Variants in STK10 observed in about 807,000 individuals in gnomAD.
STK10 encodes serine/threonine kinase 10, also known as serine/threonine-protein kinase 10.
In STK10, 78 loss-of-function variants were observed where a neutral mutation model predicts 113.8. That is an observed-to-expected ratio of 0.69 (90% CI 0.57 to 0.83). The LOEUF is 0.83. Ranked by LOEUF, STK10 falls within the 40% of genes least tolerant of loss-of-function variation. STK10 has a pLI of 0.00. For synonymous variants in STK10, 465 were observed against 494.7 expected (o/e 0.94, Z 0.80); for missense variants, 1,109 against 1,280.1 (o/e 0.87, Z 2.04).
At chr5:172,160,549 G>A (rs1401867425) in intron 1 of STK10, among the ~76,000 whole-genome samples, 1 of 152,034 alleles carries the variant, frequency 6.6e-6, no homozygotes, top group African/African-American at 2.4e-5. Flanking sequence ...AAAGCACAGG[G>A]AAAACGAGCT....
intron 12 of STK10, among the ~76,000 whole-genome samples, chr5:172,075,136 T>C (rs1229699621): frequency 1.3e-5 from 2 of 150,486 alleles, no homozygotes; most frequent in Non-Finnish European, 3.0e-5. Flanking sequence ...TACCACTGCA[T>C]TCCATCCTGG....
chr5:172,187,412 C>T lies in STK10; in HGVS notation c.156+475G>A, dbSNP rs749064657. Among the ~76,000 whole-genome samples, 1 of 152,082 alleles carries T rather than the reference C, an allele frequency of 6.6e-6. No homozygotes were observed. The highest frequency in any genetic ancestry group is 1.5e-5 in the Non-Finnish European group (1 of 68,006). ...GTCTCTGGCTCATCTTCAGATGTGT[C>T]CCTAGCTCCCAACCCGTCCAAGCGC... is the stretch of plus-strand genomic sequence containing the variant. On this transcript the variant is annotated intron_variant, in intron 1 of 18. Transcript: ENST00000176763. The surrounding 1 kb of genome is among the most constrained non-coding windows in gnomAD (Gnocchi z 4.6).
chr5:172,084,645 A>G (rs1239465174), intron 10 of STK10, among the ~76,000 whole-genome samples: 1 of 151,814 alleles, frequency 6.6e-6, no homozygotes, highest in African/African-American at 2.4e-5. Context: ...ATGAAGAGGG[A>G]AATTTTTCAC....
At chr5:172,063,280 C>T (rs1767974585) in intron 13 of STK10, among the ~76,000 whole-genome samples, 1 of 151,646 alleles carries the variant, frequency 6.6e-6, no homozygotes, top group African/African-American at 2.4e-5. Flanking sequence ...TGGGATGAAA[C>T]TCCCAGTTTT....
intron 1 of STK10, among the ~76,000 whole-genome samples, chr5:172,164,348 G>GC (rs1770527193): frequency 6.6e-6 from 1 of 151,816 alleles, no homozygotes; most frequent in Admixed American, 6.6e-5. Flanking sequence ...AAGCCATCCT[G>GC]CCCCTAAGGG....
Position 172,106,661 on chromosome 5 carries a change from G to A in STK10, c.747C>T (p.Ile249=), listed in dbSNP as rs115634318. The A allele has an allele frequency of 2.9e-3, 4,671 of 1,613,558 alleles. 25 individuals are homozygous for A. The highest frequency in any genetic ancestry group is 6.9e-3 in the South Asian group (628 of 91,050). ...ELNPMRVLLK[I]AKSDPPTLLT... ...GCAGCGTGGGAGGGTCCGACTTGGC[G>A]ATCTTTAGCAGGACCCGCATGGGGT... The change falls in exon 6 of 19, where the codon ATC becomes ATT. Residue 249 remains isoleucine, a synonymous_variant. Coordinates refer to ENST00000176763, the MANE Select transcript of STK10 (RefSeq NM_005990.4).
intron 10 of STK10, among the ~76,000 whole-genome samples, chr5:172,083,957 T>A (rs1175378217): frequency 6.6e-6 from 1 of 150,382 alleles, no homozygotes; most frequent in Non-Finnish European, 1.5e-5. Flanking sequence ...AATCAGTCAT[T>A]TAAAATGAAT....
chr5:172,156,337 GA>G (rs1770347655), intron 2 of STK10, among the ~76,000 whole-genome samples: 1 of 152,238 alleles, frequency 6.6e-6, no homozygotes, highest in Non-Finnish European at 1.5e-5. Context: ...AAGGCATGGA[GA>G]GGTTAGGAAC....
Position 172,042,173 on chromosome 5 carries a change from C to A in STK10, c.*2709G>T, listed in dbSNP as rs936336548. The A allele has an allele frequency of 2.6e-5, 4 of 152,532 alleles. No individual in the cohort carries two copies. The highest frequency in any genetic ancestry group is 9.7e-5 in the African/African-American group (4 of 41,402). The allele number at this position is 152,532 out of a possible 1,614,324, so 9.4% of individuals were successfully genotyped here. A position where few individuals can be genotyped will look rare whatever the true frequency, so the allele number is the denominator to read the frequency against. On this transcript the variant is annotated 3_prime_UTR_variant, in exon 19 of 19. Transcript: ENST00000176763. Reference sequence around the variant, plus strand: ...AATTTTGTATAAAGTCTGGAAACTACATAAAAATAATTTCTATCTTTCATA... The same window carrying A: ...AATTTTGTATAAAGTCTGGAAACTAAATAAAAATAATTTCTATCTTTCATA...
chr5:172,094,030 G>T (rs1768790416), intron 8 of STK10, 70 bp from the exon 9 acceptor site: 1 of 1,200,598 alleles, frequency 8.3e-7, no homozygotes, highest in South Asian at 3.5e-5. Context: ...CAGAGATGCA[G>T]TGGAGAAAGT....
rs528071200 is a variant in STK10 at position 172,103,075 on chromosome 5, A to T, written c.870+2581T>A. Among the ~76,000 whole-genome samples the T allele has an allele frequency of 8.5e-5, 13 of 152,332 alleles. 1 individual carries two copies. In the South Asian group the frequency reaches 2.7e-3, roughly 32 times the overall value. On this transcript the variant is annotated intron_variant, in intron 7 of 18. Transcript: ENST00000176763. ...TCCGCCCAGGGCGGGACACAGGGAG[A>T]CGTGAGAGCCAGGCACTTCTTGGAA...
chr5:172,172,970 ACT>A (rs1245997063), intron 1 of STK10, among the ~76,000 whole-genome samples: 1 of 151,214 alleles, frequency 6.6e-6, no homozygotes, highest in Non-Finnish European at 1.5e-5. Flanking sequence ...ACAGAGCAAG[ACT>A]CTGTCAAAAA....
At chr5:172,057,001 GAAGGAA>G (rs1561790252) in intron 15 of STK10, 195 of 77,792 alleles carry the variant, frequency 2.5e-3, no homozygotes, top group African/African-American at 6.2e-3. Flanking sequence ...GAAAGAGAAA[GAAGGAA>G]AGAAAGAAAG....
chr5:172,090,059 G>A (rs73801847), intron 10 of STK10, among the ~76,000 whole-genome samples, 173 bp downstream of exon 10: 3,181 of 152,146 alleles, frequency 0.021, 119 homozygotes, highest in African/African-American at 0.071. Context: ...ATAGGTGAAC[G>A]GTTGGGTAGA....
chr5:172,084,353 T>C (rs917760396), intron 10 of STK10, among the ~76,000 whole-genome samples: 43 of 151,990 alleles, frequency 2.8e-4, no homozygotes, highest in African/African-American at 1.0e-3. Context: ...TGAGCCGAGA[T>C]AGCGCCACTG....
chr5:172,111,513 C>T (rs1462096892), intron 4 of STK10, among the ~76,000 whole-genome samples: 1 of 152,226 alleles, frequency 6.6e-6, no homozygotes, highest in African/African-American at 2.4e-5. Context: ...TGGGGCAGCC[C>T]CACCTTGCAG....
At chr5:172,176,661 G>T (rs538229932) in intron 1 of STK10, among the ~76,000 whole-genome samples, 2 of 152,276 alleles carry the variant, frequency 1.3e-5, no homozygotes, top group South Asian at 4.1e-4. Flanking sequence ...GGCCCTGGGG[G>T]ACTTAAGGCA....
Position 172,133,389 on chromosome 5 carries a change from A to G in STK10, c.322-5968T>C, listed in dbSNP as rs993278334. ...GCACCATGGCTACCTCCCCCTCCAC[A>G]TACACCATGTCTTCCTTCCCCTTTG... is the stretch of plus-strand genomic sequence containing the variant. On this transcript the variant is annotated intron_variant, in intron 2 of 18. Transcript: ENST00000176763. The surrounding 1 kb of genome is among the most constrained non-coding windows in gnomAD (Gnocchi z 4.9). Among the ~76,000 whole-genome samples, 1 of 152,182 alleles carries G rather than the reference A, an allele frequency of 6.6e-6. No homozygotes were observed. The highest frequency in any genetic ancestry group is 2.4e-5 in the African/African-American group (1 of 41,430).
chr5:172,081,432 G>A (rs1581145403), intron 12 of STK10, among the ~76,000 whole-genome samples: 3 of 151,830 alleles, frequency 2.0e-5, no homozygotes, highest in Admixed American at 1.3e-4. Flanking sequence ...CCAGGTGACA[G>A]CACATCTGTG....
Sources: allele counts gnomAD v4.1 joint callset (sites outside exome capture counted in the v4.1 genomes callset), GRCh38; gene constraint gnomAD v4.1.1; non-coding constraint Gnocchi (gnomAD v3.1); transcripts MANE v1.5; gene names NCBI Gene and HGNC (gene_info 2026-07-23, HGNC 2026-07-21).